Variants in ZRANB3 observed in about 807,000 individuals in gnomAD.
The protein encoded by ZRANB3 is DNA annealing helicase and endonuclease ZRANB3.
ZRANB3 carries 125 observed loss-of-function variants against 133.8 expected under a neutral mutation model. That is an observed-to-expected ratio of 0.93 (90% CI 0.81 to 1.08). ZRANB3 has a LOEUF of 1.08. ZRANB3 is among the 50% of genes least tolerant of loss of function. The pLI is 0.00. For synonymous variants in ZRANB3, 387 were observed against 432.7 expected (o/e 0.89, Z 1.31); for missense variants, 1,229 against 1,275.5 (o/e 0.96, Z 0.56).
At chr2:135,497,069 A>C (rs542100177) in intron 2 of ZRANB3, among the ~76,000 whole-genome samples, 1 of 152,212 alleles carries the variant, frequency 6.6e-6, no homozygotes, top group Non-Finnish European at 1.5e-5. Flanking sequence ...ACAAAAAAAG[A>C]TAAGAGATAT....
At chr2:135,456,006 C>T (rs753743270) in intron 2 of ZRANB3, among the ~76,000 whole-genome samples, 3 of 152,124 alleles carry the variant, frequency 2.0e-5, no homozygotes, top group African/African-American at 4.8e-5. Flanking sequence ...ATCTACTTTG[C>T]TTATTTCCTT....
chr2:135,492,598 T>C (rs1692439991), intron 2 of ZRANB3, among the ~76,000 whole-genome samples: 1 of 152,188 alleles, frequency 6.6e-6, no homozygotes, highest in South Asian at 2.1e-4. Flanking sequence ...TAAAACATTA[T>C]CTTTTAAAAT....
At chr2:135,374,501 C>CT (rs548112054) in intron 3 of ZRANB3, among the ~76,000 whole-genome samples, 2,837 of 140,010 alleles carry the variant, frequency 0.02, 36 homozygotes, top group Admixed American at 0.051. Context: ...TAAAACATAT[C>CT]TTTTTTTTTT....
intron 8 of ZRANB3, among the ~76,000 whole-genome samples, chr2:135,294,381 A>G (rs1681923605): frequency 6.6e-6 from 1 of 152,102 alleles, no homozygotes; most frequent in African/African-American, 2.4e-5. Flanking sequence ...GTTTATTTGC[A>G]TAGAGGTGTT....
chr2:135,227,628 C>G (rs544029051), intron 14 of ZRANB3, among the ~76,000 whole-genome samples, 184 bp downstream of exon 14: 26 of 152,312 alleles, frequency 1.7e-4, no homozygotes, highest in Admixed American at 1.2e-3. Flanking sequence ...TGAATGCCAA[C>G]AGACACACTC....
chr2:135,309,384 A>G (rs916750293), intron 8 of ZRANB3, among the ~76,000 whole-genome samples: 2 of 152,140 alleles, frequency 1.3e-5, no homozygotes, highest in Non-Finnish European at 2.9e-5. Flanking sequence ...AAATTGTACT[A>G]GTCTTCCTTC....
At chr2:135,282,312 GT>G (rs1681135598) in intron 8 of ZRANB3, among the ~76,000 whole-genome samples, 1 of 151,678 alleles carries the variant, frequency 6.6e-6, no homozygotes, top group African/African-American at 2.4e-5. Context: ...GCTAGACATT[GT>G]CTTCCGGTAT....
chr2:135,466,148 T>G lies in ZRANB3; in HGVS notation c.161+38181A>C, dbSNP rs191622901. On this transcript the variant is annotated intron_variant, in intron 2 of 20. Coordinates refer to ENST00000264159, the MANE Select transcript of ZRANB3 (RefSeq NM_032143.4). ...CTATAATCCCAGCACTTTGGGAGGC[T>G]GAGGCAGGCAGATCACCTGAGGTCA... Among the ~76,000 whole-genome samples, 40 of 152,166 alleles carry G rather than the reference T, an allele frequency of 2.6e-4. 1 individual carries two copies. In the East Asian group the frequency reaches 7.6e-3, roughly 29 times the overall value.
At chr2:135,237,130 G>T (rs1695325175) in intron 12 of ZRANB3, among the ~76,000 whole-genome samples, 1 of 152,160 alleles carries the variant, frequency 6.6e-6, no homozygotes, top group African/African-American at 2.4e-5. Context: ...AGTGGGCGAA[G>T]GATATGAACA....
intron 2 of ZRANB3, among the ~76,000 whole-genome samples, chr2:135,441,542 A>T (rs1056604079): frequency 6.6e-6 from 1 of 152,030 alleles, no homozygotes; most frequent in South Asian, 2.1e-4. Flanking sequence ...GAATACACAC[A>T]TGCATACACA....
chr2:135,280,804 C>A (rs865788734), intron 8 of ZRANB3, among the ~76,000 whole-genome samples: 2 of 152,162 alleles, frequency 1.3e-5, no homozygotes, highest in Non-Finnish European at 2.9e-5. Flanking sequence ...CAAAGACTCT[C>A]CTTTGACCTA....
At chr2:135,526,474 A>G (rs1371910630) in intron 1 of ZRANB3, among the ~76,000 whole-genome samples, 3 of 151,870 alleles carry the variant, frequency 2.0e-5, no homozygotes, top group African/African-American at 7.3e-5. Flanking sequence ...TGATTTTTTT[A>G]TTTTACCCAA....
At chr2:135,477,310 C>G (rs1476563887) in intron 2 of ZRANB3, among the ~76,000 whole-genome samples, 1 of 152,212 alleles carries the variant, frequency 6.6e-6, no homozygotes, top group Non-Finnish European at 1.5e-5. Context: ...TACTAATTCT[C>G]TGGAGTTTTC....
intron 6 of ZRANB3, among the ~76,000 whole-genome samples, chr2:135,325,901 G>A (rs1196388503): frequency 6.6e-6 from 1 of 152,190 alleles, no homozygotes; most frequent in East Asian, 1.9e-4. Flanking sequence ...TACGAACATG[G>A]AAATACAGAG....
At chr2:135,511,343 T>C (rs532983950) in intron 1 of ZRANB3, 7 of 841,902 alleles carry the variant, frequency 8.3e-6, no homozygotes, top group Admixed American at 1.7e-5. Flanking sequence ...GTTCTGGTTC[T>C]GGCTCAGGAT....
intron 6 of ZRANB3, among the ~76,000 whole-genome samples, chr2:135,322,798 C>T (rs1683596327): frequency 6.6e-6 from 1 of 152,036 alleles, no homozygotes; most frequent in Admixed American, 6.6e-5. Context: ...AGGTGGATCA[C>T]CTGAGGTCAG....
At chr2:135,396,055 C>G (rs1687474533) in intron 2 of ZRANB3, among the ~76,000 whole-genome samples, 1 of 152,110 alleles carries the variant, frequency 6.6e-6, no homozygotes, top group South Asian at 2.1e-4. Context: ...AAAGGGCAAA[C>G]AGTTATATGA....
At chr2:135,213,664 T>A (rs961905148) in intron 17 of ZRANB3, among the ~76,000 whole-genome samples, 18 of 152,190 alleles carry the variant, frequency 1.2e-4, no homozygotes, top group Non-Finnish European at 2.4e-4. Context: ...ATACAGATCC[T>A]CATCGTTTTT....
intron 2 of ZRANB3, among the ~76,000 whole-genome samples, chr2:135,473,195 T>C (rs1691355819): frequency 1.3e-5 from 2 of 152,232 alleles, no homozygotes. Context: ...CCTTCCATTT[T>C]CTGTTTCTAT....
Sources: gnomAD v4.1 joint callset for allele counts (sites outside exome capture counted in the v4.1 genomes callset) on GRCh38, gnomAD v4.1.1 for gene constraint, MANE v1.5 for transcripts, NCBI Gene and HGNC (gene_info 2026-07-23, HGNC 2026-07-21) for gene names.